MIA2: variants seen among roughly 807,000 people sequenced by gnomAD.
MIA2 encodes the protein melanoma inhibitory activity protein 2.
In MIA2, 127 loss-of-function variants were observed where a neutral mutation model predicts 167.8. That is an observed-to-expected ratio of 0.76 (90% confidence interval 0.66 to 0.88). The LOEUF (loss-of-function observed/expected upper bound fraction) is 0.88. MIA2 is among the 40% of genes least tolerant of loss of function. The pLI is 0.00. For synonymous variants in MIA2, 552 were observed against 541.9 expected (o/e 1.02, Z -0.26); for missense variants, 1,690 against 1,624.7 (o/e 1.04, Z -0.69).
chr14:39,271,373 C>G (rs2057114866), intron 6 of MIA2, among the ~76,000 whole-genome samples: 1 of 152,004 alleles, frequency 6.6e-6, no homozygotes, highest in Admixed American at 6.6e-5. Flanking sequence ...TACCCAATGT[C>G]TTGATTATTG....
intron 25 of MIA2, among the ~76,000 whole-genome samples, chr14:39,338,430 A>T (rs1452227161): frequency 6.6e-6 from 1 of 152,034 alleles, no homozygotes; most frequent in African/African-American, 2.4e-5. Flanking sequence ...ATATAATGTG[A>T]TTTTTTTTCA....
intron 25 of MIA2, among the ~76,000 whole-genome samples, chr14:39,333,151 C>T (rs1043423905): frequency 1.3e-5 from 2 of 152,032 alleles, no homozygotes; most frequent in African/African-American, 4.8e-5. Context: ...TCAGGGTCAT[C>T]TTGAGGTTGG....
Position 39,252,889 on chromosome 14 carries a change from T to C in MIA2, c.1709T>C (p.Val570Ala). 6.2e-7 allele frequency: 1 copy of C among 1,614,014 alleles called. No homozygotes were observed. The highest frequency in any genetic ancestry group is 8.5e-7 in the Non-Finnish European group (1 of 1,179,950). ...GCTCTGGTGGAGATAGACAGATCTGTGGAAAATACCCTGCTAAATAGTCAG... is the reference window on the plus strand; with the variant it reads ...GCTCTGGTGGAGATAGACAGATCTGCGGAAAATACCCTGCTAAATAGTCAG... ...GPALVEIDRS[V>A]ENTLLNSQMV... Residue 570 changes from valine (V) to alanine (A), a missense_variant, in exon 5 of 29, where the codon GTG becomes GCG. Transcript: ENST00000640607.
chr14:39,290,922 T>G (rs2060650066), intron 9 of MIA2, 97 bp from the exon 10 acceptor site: 1 of 1,085,342 alleles, frequency 9.2e-7, no homozygotes, highest in South Asian at 1.5e-5. Flanking sequence ...TAATGTATTA[T>G]GTGGAAATGG....
In MIA2 at chr14:39,277,782, T is replaced by A. The variant is rs1353634257; in HGVS notation, c.2019+717T>A. On this transcript the variant is annotated intron_variant, in intron 7 of 28. Transcript: ENST00000640607. ...TATATATATATATATATATATATAT[T>A]TATATTTAAAGAGATGGGGTCTCAC... 2.5e-3 allele frequency among the ~76,000 whole-genome samples: 256 copies of A among 100,900 alleles called. 2 individuals carry two copies. The highest frequency in any genetic ancestry group is 4.4e-3 in the Non-Finnish European group (215 of 48,838). The allele number at this position is 100,900 out of a possible 152,430, so 66.2% of individuals were successfully genotyped here.
At chr14:39,328,419 T>C (rs1039002300) in intron 25 of MIA2, among the ~76,000 whole-genome samples, 6 of 152,242 alleles carry the variant, frequency 3.9e-5, no homozygotes, top group Non-Finnish European at 8.8e-5. Context: ...GTAGGTTGCC[T>C]GTTCACTCTG....
At chr14:39,309,406 T>G (rs990629634) in intron 18 of MIA2, among the ~76,000 whole-genome samples, 6 of 152,198 alleles carry the variant, frequency 3.9e-5, no homozygotes, top group Admixed American at 2.0e-4. Context: ...CTTATTCATG[T>G]TCTTTTTCCT....
intron 1 of MIA2, among the ~76,000 whole-genome samples, chr14:39,235,234 C>T (rs1278548648): frequency 6.6e-6 from 1 of 152,102 alleles, no homozygotes; most frequent in Non-Finnish European, 1.5e-5. Context: ...TGGGATTTCA[C>T]TGTGTTGCCC....
chr14:39,279,953 T>G (rs1164664951), intron 9 of MIA2, among the ~76,000 whole-genome samples: 1 of 152,188 alleles, frequency 6.6e-6, no homozygotes, highest in African/African-American at 2.4e-5. Flanking sequence ...GTACTGGGGT[T>G]GGAGCTTCAA....
chr14:39,323,804 A>C (rs1487529066), intron 24 of MIA2, among the ~76,000 whole-genome samples: 1 of 152,182 alleles, frequency 6.6e-6, no homozygotes, highest in Non-Finnish European at 1.5e-5. Context: ...GGAATGATTA[A>C]AATTTACATT....
At chr14:39,319,147 A>AT in intron 22 of MIA2, 62 bp from the exon 23 acceptor site, 1 of 917,214 alleles carries the variant, frequency 1.1e-6, no homozygotes, top group Non-Finnish European at 1.7e-6. Flanking sequence ...TGGTAGAGGC[A>AT]TTTTTTCTTG....
intron 24 of MIA2, among the ~76,000 whole-genome samples, chr14:39,323,607 C>A (rs113994867): frequency 0.031 from 4,751 of 152,124 alleles, 268 homozygotes; most frequent in African/African-American, 0.11. Context: ...TCAATTTTAT[C>A]CCGTTTCATT....
chr14:39,243,197 T>C (rs145249995), intron 3 of MIA2, among the ~76,000 whole-genome samples: 66 of 151,862 alleles, frequency 4.3e-4, no homozygotes, highest in African/African-American at 1.4e-3. Context: ...TGTGATGTAG[T>C]TGCAGTGAAG....
At chr14:39,326,764 A>G in intron 24 of MIA2, 100 bp from the exon 25 acceptor site, 2 of 1,074,700 alleles carry the variant, frequency 1.9e-6, no homozygotes, top group Admixed American at 3.2e-5. Context: ...CAGACTTTGT[A>G]TTTATAATTT....
intron 9 of MIA2, among the ~76,000 whole-genome samples, chr14:39,289,221 G>A (rs1028879453): frequency 1.6e-5 from 1 of 63,874 alleles, no homozygotes; most frequent in Non-Finnish European, 3.0e-5. Context: ...AAGGTAGGCA[G>A]GTTTTCTTTT....
rs17693279 is a variant in MIA2 at position 39,265,269 on chromosome 14, G to T, written c.1888-11665G>T. 22 of 761,560 alleles carry T rather than the reference G, an allele frequency of 2.9e-5. No homozygotes were observed. The African/African-American group carries it at 3.6e-4, about 12-fold the overall frequency. 47.2% of individuals were successfully genotyped at this position (761,560 alleles called of 1,614,324 possible). A position where few individuals can be genotyped will look rare whatever the true frequency, so the allele number is the denominator to read the frequency against. On this transcript the variant is annotated intron_variant, in intron 6 of 28. Transcript: ENST00000640607. ...CCCTTTACCACACAAATGTCAAAAC[G>T]GGATCACAGTGTGGAAACAGAAGAG... is the stretch of plus-strand genomic sequence containing the variant.
At chr14:39,330,796 A>T (rs1357756068) in intron 25 of MIA2, among the ~76,000 whole-genome samples, 2 of 152,264 alleles carry the variant, frequency 1.3e-5, no homozygotes, top group East Asian at 3.9e-4. Flanking sequence ...CTTAATCCTG[A>T]GTTCTAATTT....
intron 25 of MIA2, among the ~76,000 whole-genome samples, chr14:39,327,393 G>T (rs1252731240): frequency 6.6e-6 from 1 of 151,730 alleles, no homozygotes; most frequent in Non-Finnish European, 1.5e-5. Context: ...GATTTTTTTG[G>T]GTATACATTT....
chr14:39,376,089 G>A (rs1367961196), intron 23 of MIA2, among the ~76,000 whole-genome samples: 4 of 152,142 alleles, frequency 2.6e-5, no homozygotes, highest in African/African-American at 9.7e-5. Context: ...GAGTAGCTGG[G>A]ATTACAGGTG....
Sources: gnomAD v4.1 joint callset for allele counts (sites outside exome capture counted in the v4.1 genomes callset) on GRCh38, gnomAD v4.1.1 for gene constraint, MANE v1.5 for transcripts, NCBI Gene and HGNC (gene_info 2026-07-23, HGNC 2026-07-21) for gene names.